HECW2: variants seen among roughly 807,000 people sequenced by gnomAD.
HECW2 encodes the protein E3 ubiquitin-protein ligase HECW2.
Under a neutral mutation model 175.2 loss-of-function variants are expected in HECW2, and 61 were observed. The ratio of observed to expected loss-of-function variants is 0.35; its 90% CI spans 0.28 to 0.43. The LOEUF is 0.43. Among genes scored for constraint, HECW2 ranks in the 20% least tolerant of loss-of-function variants. The pLI, the probability that HECW2 is intolerant of heterozygous loss-of-function variation, is 1.00. For synonymous variants in HECW2, 671 were observed against 731.0 expected, an observed-to-expected ratio of 0.92 and a Z score of 1.32; for missense variants, 1,524 against 2,000.5, an observed-to-expected ratio of 0.76 and a Z score of 4.54.
intron 1 of HECW2, among the ~76,000 whole-genome samples, chr2:196,490,144 C>A (rs1198727277): frequency 1.3e-5 from 2 of 152,160 alleles, no homozygotes; most frequent in Non-Finnish European, 2.9e-5. Flanking sequence ...AATTGCCCGG[C>A]AAACTCCATT....
intron 3 of HECW2, among the ~76,000 whole-genome samples, chr2:196,337,029 C>G (rs2105810608): frequency 6.6e-6 from 1 of 152,216 alleles, no homozygotes; most frequent in South Asian, 2.1e-4. Context: ...AGTGAAGATT[C>G]CTGCCCCTAA....
At chr2:196,377,874 CAA>C (rs1448792530) in intron 2 of HECW2, among the ~76,000 whole-genome samples, 4 of 152,000 alleles carry the variant, frequency 2.6e-5, no homozygotes, top group Admixed American at 2.0e-4. Context: ...GTGAACCAAA[CAA>C]ACAAGCAAAA....
At chr2:196,212,005 T>G (rs1687306551) in intron 28 of HECW2, among the ~76,000 whole-genome samples, 3 of 151,968 alleles carry the variant, frequency 2.0e-5, no homozygotes, top group Admixed American at 1.3e-4. Context: ...CCCAGGTAAT[T>G]TTTGTATTTT....
At chr2:196,274,646 A>G (rs1298897138) in intron 15 of HECW2, among the ~76,000 whole-genome samples, 1 of 152,182 alleles carries the variant, frequency 6.6e-6, no homozygotes, top group African/African-American at 2.4e-5. Flanking sequence ...TCTCCTCAGG[A>G]GCAATTCTCC....
chr2:196,390,143 T>G (rs1223816481), intron 2 of HECW2, among the ~76,000 whole-genome samples: 1 of 152,166 alleles, frequency 6.6e-6, no homozygotes, highest in African/African-American at 2.4e-5. Context: ...GACAACTCCA[T>G]GAGGTAGACC....
At chr2:196,227,094 T>C (rs1687876412) in intron 22 of HECW2, among the ~76,000 whole-genome samples, 1 of 152,226 alleles carries the variant, frequency 6.6e-6, no homozygotes, top group Non-Finnish European at 1.5e-5. Flanking sequence ...TGTCCAGCAG[T>C]ATGGTTCCTC....
intron 13 of HECW2, among the ~76,000 whole-genome samples, chr2:196,295,371 A>G (rs1046122206): frequency 6.6e-6 from 1 of 152,202 alleles, no homozygotes; most frequent in Non-Finnish European, 1.5e-5. Flanking sequence ...TACAATCAGC[A>G]AGGCAACTGT....
intron 1 of HECW2, among the ~76,000 whole-genome samples, chr2:196,578,557 G>A (rs1690642907): frequency 6.6e-6 from 1 of 152,032 alleles, no homozygotes; most frequent in African/African-American, 2.4e-5. Context: ...TTCACACCAA[G>A]GTACATCATA....
At chr2:196,521,587 T>C in intron 1 of HECW2, among the ~76,000 whole-genome samples, 1 of 149,170 alleles carries the variant, frequency 6.7e-6, no homozygotes. Context: ...ACCCACTAAC[T>C]CATCATCTAG....
At chr2:196,579,681 G>A (rs904669408) in intron 1 of HECW2, among the ~76,000 whole-genome samples, 7 of 152,104 alleles carry the variant, frequency 4.6e-5, no homozygotes, top group East Asian at 3.9e-4. Flanking sequence ...AGATACAACC[G>A]GTAAGAAGTA....
intron 14 of HECW2, chr2:196,290,327 A>C (rs1690559784): frequency 6.6e-6 from 1 of 152,236 alleles, no homozygotes; most frequent in African/African-American, 2.4e-5. Context: ...ACTTGTTCTT[A>C]AGAATACATT....
chr2:196,517,600 A>G (rs1293014090), intron 1 of HECW2, among the ~76,000 whole-genome samples: 1 of 152,266 alleles, frequency 6.6e-6, no homozygotes, highest in African/African-American at 2.4e-5. Context: ...ATTAGAAGTC[A>G]GTGACATTGT....
intron 5 of HECW2, among the ~76,000 whole-genome samples, chr2:196,327,884 G>A (rs1038174412): frequency 2.0e-5 from 3 of 152,118 alleles, no homozygotes; most frequent in Non-Finnish European, 1.5e-5. Context: ...AATGCCCTAG[G>A]ATTTTTAACT....
At chr2:196,459,460 G>GC (rs1350229875) in intron 1 of HECW2, among the ~76,000 whole-genome samples, 4 of 152,010 alleles carry the variant, frequency 2.6e-5, no homozygotes, top group African/African-American at 9.7e-5. Context: ...GAAATCCTAA[G>GC]CCCCCCCAAC....
chr2:196,531,567 CAGG>C (rs1216556004), intron 1 of HECW2, among the ~76,000 whole-genome samples: 5 of 151,384 alleles, frequency 3.3e-5, no homozygotes, highest in Admixed American at 2.0e-4. Context: ...GAGGCTGAGG[CAGG>C]AGAATCACTT....
At chr2:196,269,517 A>AAAAAAAAAAAAAAC (rs1689647899) in intron 17 of HECW2, 1 of 151,004 alleles carries the variant, frequency 6.6e-6, no homozygotes, top group Non-Finnish European at 1.5e-5. Context: ...AAAAAAAAAA[A>AAAAAAAAAAAAAAC]AAAAGACATG....
At chr2:196,420,739 T>A (rs1465151540) in intron 2 of HECW2, among the ~76,000 whole-genome samples, 1 of 152,162 alleles carries the variant, frequency 6.6e-6, no homozygotes, top group African/African-American at 2.4e-5. Context: ...TTCAGATAAG[T>A]CAGTTCTTTT....
intron 1 of HECW2, among the ~76,000 whole-genome samples, chr2:196,561,236 A>G (rs1223939169): frequency 1.3e-5 from 2 of 152,236 alleles, no homozygotes; most frequent in South Asian, 4.1e-4. Flanking sequence ...GCAGCTGCAG[A>G]TAAGGGATAA....
At chr2:196,278,132 A>ATT (rs372398257) in intron 15 of HECW2, among the ~76,000 whole-genome samples, 6 of 87,634 alleles carry the variant, frequency 6.8e-5, no homozygotes, top group African/African-American at 1.9e-4. Context: ...TATAATTAAA[A>ATT]AATATATATA....
Sources: gnomAD v4.1 joint callset for allele counts (sites outside exome capture counted in the v4.1 genomes callset) on GRCh38, gnomAD v4.1.1 for gene constraint, MANE v1.5 for transcripts, NCBI Gene and HGNC (gene_info 2026-07-23, HGNC 2026-07-21) for gene names.